FBLN2: variants seen among roughly 807,000 people sequenced by gnomAD.
FBLN2 encodes fibulin-2.
FBLN2 carries 81 observed loss-of-function variants against 123.7 expected under a neutral mutation model. The ratio of observed to expected loss-of-function variants is 0.65; its 90% confidence interval spans 0.55 to 0.79. The LOEUF (loss-of-function observed/expected upper bound fraction) is 0.79, where lower values mean the gene tolerates loss of function less well. Among genes scored for constraint, FBLN2 ranks in the 30% least tolerant of loss-of-function variants. The pLI, the probability that FBLN2 is intolerant of heterozygous loss-of-function variation, is 0.00. For missense variants in FBLN2, 1,603 were observed against 1,681.3 expected (o/e 0.95, Z 0.81); for synonymous variants, 699 against 701.4 (o/e 1.00, Z 0.05).
chr3:13,553,511 C>G (rs867904048), intron 1 of FBLN2, among the ~76,000 whole-genome samples: 1 of 152,212 alleles, frequency 6.6e-6, no homozygotes, highest in South Asian at 2.1e-4. Context: ...ACGCCCACAC[C>G]ACAAACTCGC....
At chr3:13,583,675 G>A (rs1704408681) in intron 2 of FBLN2, among the ~76,000 whole-genome samples, 1 of 152,234 alleles carries the variant, frequency 6.6e-6, no homozygotes, top group African/African-American at 2.4e-5. Flanking sequence ...TGGACCTGGT[G>A]GGACTGTGGT....
intron 16 of FBLN2, among the ~76,000 whole-genome samples, chr3:13,633,410 C>G (rs1033022471): frequency 2.0e-5 from 3 of 152,296 alleles, no homozygotes; most frequent in African/African-American, 7.2e-5. Flanking sequence ...GAGCCCCACA[C>G]CTGCACATCT....
At chr3:13,553,644 A>G (rs953128475) in intron 1 of FBLN2, among the ~76,000 whole-genome samples, 3 of 152,182 alleles carry the variant, frequency 2.0e-5, no homozygotes, top group Non-Finnish European at 4.4e-5. Flanking sequence ...CCCCTCATAT[A>G]TGGAGATTGT....
intron 2 of FBLN2, among the ~76,000 whole-genome samples, chr3:13,602,034 T>C (rs1705050493): frequency 6.6e-6 from 1 of 152,252 alleles, no homozygotes; most frequent in Non-Finnish European, 1.5e-5. Context: ...CCTCAAGTGA[T>C]CCTCCTGCTT....
At chr3:13,621,749 G>C in intron 8 of FBLN2, 26 bp from the exon 9 acceptor site, 4 of 1,613,422 alleles carry the variant, frequency 2.5e-6, no homozygotes, top group Non-Finnish European at 3.4e-6. Context: ...CAGTCCTTCT[G>C]TTTTTCCTCC....
intron 2 of FBLN2, among the ~76,000 whole-genome samples, chr3:13,579,277 C>T (rs1024073149): frequency 2.0e-5 from 3 of 152,174 alleles, no homozygotes; most frequent in African/African-American, 7.2e-5. Context: ...TTCTAGAATA[C>T]GCAAGCACAC....
intron 2 of FBLN2, among the ~76,000 whole-genome samples, chr3:13,590,448 C>T (rs1188128038): frequency 6.6e-6 from 1 of 152,200 alleles, no homozygotes; most frequent in African/African-American, 2.4e-5. Flanking sequence ...GCCTCAGCCT[C>T]CCAAGTAGCT....
chr3:13,551,436 A>C (rs1026175), intron 1 of FBLN2, among the ~76,000 whole-genome samples: 124,147 of 152,156 alleles, frequency 0.82, 50,988 homozygotes, highest in East Asian at 1. Flanking sequence ...CCAGATCCCG[A>C]CATCCCTCCT....
chr3:13,619,851 C>A lies in FBLN2; in HGVS notation c.2155+20C>A. On this transcript the variant is annotated intron_variant, in intron 8 of 17. Coordinates refer to ENST00000404922, the MANE Select transcript of FBLN2 (RefSeq NM_001004019.2). The stretch of plus-strand genomic sequence containing the variant: ...GTGAAGGTGAGTGCCTTGGGGTGCC[C>A]TCCTACCTGTGCAAACCTGAGTTGG... 6.3e-7 allele frequency: 1 copy of A among 1,595,146 alleles called. No individual in the cohort carries two copies. Among genetic ancestry groups the A allele is most frequent in the South Asian group, 1.1e-5 (1 of 87,944 alleles).
intron 2 of FBLN2, among the ~76,000 whole-genome samples, chr3:13,584,352 C>G (rs566636224): frequency 6.6e-6 from 1 of 152,198 alleles, no homozygotes; most frequent in Non-Finnish European, 1.5e-5. Context: ...GCTGAGAGCT[C>G]TGCAGGTGCA....
Position 13,571,203 on chromosome 3 carries a change from A to G in FBLN2, c.848A>G (p.Glu283Gly), listed in dbSNP as rs750272045. ...VTEDSEEEEE[E>G]EEEREEMAVT... is the part of the protein sequence containing the mutation. ...GAGGACAGTGAGGAGGAAGAAGAGG[A>G]GGAGGAGGAGAGAGAGGAAATGGCT... Residue 283 changes from glutamate to glycine, a missense_variant, in exon 2 of 18, where the codon GAG (glutamate) becomes GGG (glycine). Physicochemically the swap from Glu to Gly is moderately conservative, Grantham distance 98. Coordinates refer to ENST00000404922, the MANE Select transcript of FBLN2 (RefSeq NM_001004019.2). 6.4e-7 allele frequency: 1 copy of G among 1,570,284 alleles called. No individual in the cohort carries two copies. Among genetic ancestry groups the G allele is most frequent in the Non-Finnish European group, 8.6e-7 (1 of 1,158,182 alleles).
chr3:13,623,388 A>G (rs2124900110), intron 9 of FBLN2, among the ~76,000 whole-genome samples: 1 of 152,320 alleles, frequency 6.6e-6, no homozygotes, highest in Admixed American at 6.5e-5. Flanking sequence ...ATGAAAGAGC[A>G]AGGGCACATT....
chr3:13,622,756 A>T (rs116867345), intron 9 of FBLN2, among the ~76,000 whole-genome samples: 1 of 152,328 alleles, frequency 6.6e-6, no homozygotes, highest in East Asian at 1.9e-4. Context: ...GTTTTCAGAG[A>T]ACTGTAAACC....
At position 13,575,463 on chromosome 3, in the gene FBLN2, T is replaced by C. The variant is rs562337268; in HGVS notation, c.1306+3802T>C. Among the ~76,000 whole-genome samples, 7 of 152,296 alleles carry C rather than the reference T, an allele frequency of 4.6e-5. No homozygotes were observed. In the East Asian group the frequency reaches 7.7e-4, roughly 17 times the overall value. ...CTGTCCCTGCCCTAACTCTGGTCTCTGGGCCTTTGCGTTTGCTGGGTCCCC... is the reference window on the plus strand; with the variant it reads ...CTGTCCCTGCCCTAACTCTGGTCTCCGGGCCTTTGCGTTTGCTGGGTCCCC... On this transcript the variant is annotated intron_variant, in intron 2 of 17. Coordinates refer to ENST00000404922, the MANE Select transcript of FBLN2 (RefSeq NM_001004019.2).
intron 2 of FBLN2, among the ~76,000 whole-genome samples, chr3:13,587,002 G>A (rs1425553720): frequency 4.0e-5 from 6 of 151,218 alleles, no homozygotes; most frequent in African/African-American, 1.5e-4. Flanking sequence ...AAAATTAGCC[G>A]GTCACAGTGG....
At chr3:13,625,720 G>A (rs1167575380) in intron 9 of FBLN2, among the ~76,000 whole-genome samples, 3 of 151,878 alleles carry the variant, frequency 2.0e-5, no homozygotes, top group Non-Finnish European at 4.4e-5. Flanking sequence ...AAGGTAGTCC[G>A]AGCCACTGAA....
intron 2 of FBLN2, among the ~76,000 whole-genome samples, chr3:13,606,335 T>C (rs1395937193): frequency 2.6e-5 from 4 of 152,280 alleles, no homozygotes; most frequent in Non-Finnish European, 2.9e-5. Flanking sequence ...CTATTATATG[T>C]GTACATGGAG....
At chr3:13,567,012 C>G (rs1703767124) in intron 1 of FBLN2, among the ~76,000 whole-genome samples, 1 of 152,230 alleles carries the variant, frequency 6.6e-6, no homozygotes, top group Admixed American at 6.5e-5. Context: ...CAGAGTCAGG[C>G]TTGGGCCTGA....
chr3:13,609,686 G>T, intron 4 of FBLN2, 44 bp downstream of exon 4: 1 of 522,014 alleles, frequency 1.9e-6, no homozygotes, highest in Non-Finnish European at 3.6e-6. Context: ...GGGTGGGGCG[G>T]GGCGGGAGGC....
Sources: allele counts gnomAD v4.1 joint callset (sites outside exome capture counted in the v4.1 genomes callset), GRCh38; gene constraint gnomAD v4.1.1; transcripts MANE v1.5; gene names NCBI Gene and HGNC (gene_info 2026-07-23, HGNC 2026-07-21).